RFX7: variants seen among roughly 807,000 people sequenced by gnomAD.
The protein encoded by RFX7 is DNA-binding protein RFX7.
RFX7 carries 26 observed loss-of-function variants against 111.8 expected under a neutral mutation model. The observed-to-expected ratio is 0.23, with a 90% CI of 0.17 to 0.32. The LOEUF (loss-of-function observed/expected upper bound fraction) is 0.32. RFX7 is among the 10% of genes least tolerant of loss of function. The probability of loss-of-function intolerance (pLI) is 1.00; values close to 1 mark genes in which losing one functional copy is unlikely to be tolerated. For missense variants in RFX7, 1,573 were observed against 1,772.9 expected (o/e 0.89, Z 2.02); for synonymous variants, 624 against 624.4 (o/e 1.00, Z 0.01).
At chr15:56,128,347 A>C (rs2042171442) in intron 5 of RFX7, among the ~76,000 whole-genome samples, 1 of 152,202 alleles carries the variant, frequency 6.6e-6, no homozygotes, top group African/African-American at 2.4e-5. Context: ...AAGACTGACA[A>C]ACTGAAACTA....
intron 2 of RFX7, among the ~76,000 whole-genome samples, chr15:56,217,937 A>C (rs1342087798): frequency 1.3e-5 from 2 of 152,102 alleles, no homozygotes; most frequent in Non-Finnish European, 2.9e-5. Flanking sequence ...GTAAGGATAT[A>C]GTCAGCTCTA....
chr15:56,098,869 T>C (rs1337016634), intron 8 of RFX7, among the ~76,000 whole-genome samples: 2 of 152,332 alleles, frequency 1.3e-5, no homozygotes, highest in East Asian at 1.9e-4. Context: ...TAAATTTGTA[T>C]GGAGAAAACA....
rs1334994760 is a variant in RFX7 at position 56,141,486 on chromosome 15, AG to A, written c.401+1291del. On this transcript the variant is annotated intron_variant, in intron 5 of 9. Transcript: ENST00000559447. ...TTAAAATGCTTGCCTATGTCACACA[AG>A]TTTAATGGCAGAATCTATTCTCTTG... 6.6e-4 allele frequency among the ~76,000 whole-genome samples: 100 copies of A among 151,940 alleles called. 1 individual carries two copies. The highest frequency in any genetic ancestry group is 2.3e-3 in the African/African-American group (94 of 41,378).
At chr15:56,118,300 T>C (rs769208580) in intron 5 of RFX7, among the ~76,000 whole-genome samples, 2 of 152,162 alleles carry the variant, frequency 1.3e-5, no homozygotes, top group Non-Finnish European at 2.9e-5. Flanking sequence ...CTTCTAACTA[T>C]GTTTTTGTAT....
intron 2 of RFX7, among the ~76,000 whole-genome samples, chr15:56,220,545 T>TC (rs1417334109): frequency 3.3e-5 from 5 of 152,020 alleles, no homozygotes; most frequent in Non-Finnish European, 5.9e-5. Context: ...GTTTTTTTTT[T>TC]CTGCTTAATT....
intron 2 of RFX7, among the ~76,000 whole-genome samples, chr15:56,211,739 C>T (rs558974156): frequency 5.3e-5 from 8 of 152,072 alleles, no homozygotes; most frequent in South Asian, 2.1e-4. Context: ...GATACTTCAC[C>T]GAAGATGTAC....
chr15:56,145,566 C>T (rs1376711812), intron 3 of RFX7, among the ~76,000 whole-genome samples: 1 of 152,170 alleles, frequency 6.6e-6, no homozygotes, highest in Non-Finnish European at 1.5e-5. Flanking sequence ...GCTCCAATAC[C>T]TAATGTTATC....
intron 2 of RFX7, among the ~76,000 whole-genome samples, chr15:56,198,948 G>A (rs1198242441): frequency 6.6e-6 from 1 of 151,814 alleles, no homozygotes; most frequent in Non-Finnish European, 1.5e-5. Context: ...ATCACTTGAG[G>A]CCAGGAGTTC....
In RFX7 at chr15:56,095,343, A is replaced by T. The variant is rs1305077017; in HGVS notation, c.2385T>A (p.Ser795Arg). The change falls in exon 10 of 10, where the codon AGT becomes AGA. Residue 795 changes from serine (S) to arginine (R), a missense_variant. Ser to Arg is a moderately radical substitution (Grantham distance 110). Around this residue, in one of 7 missense-constraint regions of RFX7, gnomAD observed 625 missense variants for 632.2 expected, o/e 0.99. Coordinates refer to ENST00000559447, the MANE Select transcript of RFX7 (RefSeq NM_022841.7). ...ITKDSEFISA[S>R]CEQQQDISVM... Reference sequence around the variant, plus strand: ...CACTGATATCTTGCTGTTGTTCACAACTGGCAGATATAAACTCAGAATCTT... The same window carrying T: ...CACTGATATCTTGCTGTTGTTCACATCTGGCAGATATAAACTCAGAATCTT... The T allele has an allele frequency of 6.2e-7, 1 of 1,613,780 alleles. No homozygotes were observed. Among genetic ancestry groups the T allele is most frequent in the African/African-American group, 1.3e-5 (1 of 74,916 alleles).
intron 2 of RFX7, among the ~76,000 whole-genome samples, chr15:56,241,727 C>G (rs1269045466): frequency 6.6e-6 from 1 of 152,070 alleles, no homozygotes; most frequent in Non-Finnish European, 1.5e-5. Flanking sequence ...CTGTCACACA[C>G]ACACACACAC....
At chr15:56,170,468 C>G (rs2042833952) in intron 3 of RFX7, among the ~76,000 whole-genome samples, 1 of 152,104 alleles carries the variant, frequency 6.6e-6, no homozygotes, top group South Asian at 2.1e-4. Context: ...GATGCTGAAA[C>G]AGCATCCTTG....
chr15:56,209,154 G>A (rs1404644688), intron 2 of RFX7, among the ~76,000 whole-genome samples: 1 of 151,656 alleles, frequency 6.6e-6, no homozygotes, highest in Non-Finnish European at 1.5e-5. Context: ...GAAAATCAAA[G>A]ATAGAGAAAA....
At chr15:56,198,085 A>G (rs574979587) in intron 2 of RFX7, among the ~76,000 whole-genome samples, 2 of 152,176 alleles carry the variant, frequency 1.3e-5, no homozygotes, top group East Asian at 1.9e-4. Flanking sequence ...GACGGTGGCT[A>G]TATGTACCAC....
At position 56,243,155 on chromosome 15, in the gene RFX7, G is replaced by T. The variant is rs1242321668; in HGVS notation, c.131C>A (p.Ala44Glu). 3 of 1,361,114 alleles carry T rather than the reference G, an allele frequency of 2.2e-6. No individual in the cohort carries two copies. The highest frequency in any genetic ancestry group is 2.9e-6 in the Non-Finnish European group (3 of 1,019,508). 84.3% of individuals were successfully genotyped at this position (1,361,114 alleles called of 1,614,324 possible). The change falls in exon 2 of 10, where the codon GCG (alanine) becomes GAG (glutamate). Residue 44 changes from alanine to glutamate, a missense_variant. Ala to Glu is a moderately radical substitution (Grantham distance 107, BLOSUM62 -1). This residue lies in a region of RFX7 where 191 missense variants were observed against 194.2 expected (regional missense o/e 0.98). Transcript: ENST00000559447. The stretch of plus-strand genomic sequence containing the variant: ...GGAGTTCTTGATCTTGTGTTGCAGC[G>T]CGCTGGCCTCTGTCCCTGGCAGCCC... ...VPGLPGTEAS[A>E]LQHKIKNSIC...
At chr15:56,176,802 CA>C (rs1340144427) in intron 3 of RFX7, among the ~76,000 whole-genome samples, 3 of 150,998 alleles carry the variant, frequency 2.0e-5, no homozygotes, top group South Asian at 4.2e-4. Flanking sequence ...CATCTACTTA[CA>C]AAAAAAAATC....
intron 2 of RFX7, among the ~76,000 whole-genome samples, chr15:56,212,753 G>A (rs149092484): frequency 6.6e-6 from 1 of 151,884 alleles, no homozygotes; most frequent in South Asian, 2.1e-4. Context: ...ATCCAACAAA[G>A]AAATATGTTA....
Position 56,181,249 on chromosome 15 carries a change from C to G in RFX7, c.162-1946G>C, listed in dbSNP as rs143461897. On this transcript the variant is annotated intron_variant, in intron 2 of 9. Coordinates refer to ENST00000559447, the MANE Select transcript of RFX7 (RefSeq NM_022841.7). ...CAGGAGTGGGCCCTGCACTGGCTTG[C>G]TCTGTCAGCTTCTAGGACTTTTCTC... is the stretch of plus-strand genomic sequence containing the variant. 8.1e-3 allele frequency among the ~76,000 whole-genome samples: 1,240 copies of G among 152,316 alleles called. 8 individuals carry two copies. Among genetic ancestry groups the G allele is most frequent in the Non-Finnish European group, 0.011 (720 of 68,026 alleles).
intron 5 of RFX7, among the ~76,000 whole-genome samples, chr15:56,133,343 C>A (rs2042243873): frequency 6.6e-6 from 1 of 152,014 alleles, no homozygotes; most frequent in African/African-American, 2.4e-5. Flanking sequence ...TCTGAGATTA[C>A]AACTTCATTT....
At chr15:56,128,444 G>A (rs2042172684) in intron 5 of RFX7, among the ~76,000 whole-genome samples, 1 of 152,018 alleles carries the variant, frequency 6.6e-6, no homozygotes, top group Non-Finnish European at 1.5e-5. Context: ...AAATAATAAT[G>A]TAATACACTA....
Sources: allele counts gnomAD v4.1 joint callset (sites outside exome capture counted in the v4.1 genomes callset), GRCh38; gene constraint gnomAD v4.1.1; regional missense constraint gnomAD v4.1.1; transcripts MANE v1.5; gene names NCBI Gene and HGNC (gene_info 2026-07-23, HGNC 2026-07-21).